Variants in GLRA3 observed in about 807,000 individuals in gnomAD.
GLRA3 encodes glycine receptor alpha 3.
Under a neutral mutation model 60.4 loss-of-function variants are expected in GLRA3, and 44 were observed. The ratio of observed to expected loss-of-function variants is 0.73; its 90% CI spans 0.57 to 0.94. The LOEUF is 0.94. Ranked by LOEUF, GLRA3 falls within the 40% of genes least tolerant of loss-of-function variation. The pLI is 0.00. For synonymous variants in GLRA3, 223 were observed against 192.9 expected, an observed-to-expected ratio of 1.16 and a Z score of -1.29; for missense variants, 508 against 564.6, an observed-to-expected ratio of 0.90 and a Z score of 1.02.
At chr4:174,691,625 C>T (rs1002230376) in intron 5 of GLRA3, among the ~76,000 whole-genome samples, 2 of 152,218 alleles carry the variant, frequency 1.3e-5, no homozygotes, top group African/African-American at 2.4e-5. Context: ...AGCTCGTAAC[C>T]GCGAGTGATC....
In GLRA3 at chr4:174,715,498, T is replaced by G; in HGVS notation, c.564A>C (p.Gln188His). The change falls in exon 5 of 10, where the codon CAA becomes CAC. Residue 188 changes from glutamine to histidine, a missense_variant. Physicochemically the swap from Gln to His is conservative, Grantham distance 24. Coordinates refer to ENST00000274093, the MANE Select transcript of GLRA3 (RefSeq NM_006529.4). ...GTGGTTCATACTTACAGCTTTCCAG[T>G]TGCATTATACATGTTTGTACATCCA... is the stretch of plus-strand genomic sequence containing the variant. The part of the protein sequence containing the change: ...FPMDVQTCIM[Q>H]LESFGYTMND... 1 of 1,507,320 alleles carries G rather than the reference T, an allele frequency of 6.6e-7. No homozygotes were observed. The highest frequency in any genetic ancestry group is 1.4e-5 in the African/African-American group (1 of 72,842). The allele number at this position is 1,507,320 out of a possible 1,614,324, so 93.4% of individuals were successfully genotyped here. A position where few individuals can be genotyped will look rare whatever the true frequency, so the allele number is the denominator to read the frequency against.
intron 9 of GLRA3, among the ~76,000 whole-genome samples, chr4:174,652,609 T>C (rs1733062122): frequency 6.6e-6 from 1 of 152,148 alleles, no homozygotes; most frequent in East Asian, 1.9e-4. Context: ...ATTATGCTTC[T>C]ATATCATACT....
At chr4:174,645,425 A>AC (rs1315826087) in intron 9 of GLRA3, among the ~76,000 whole-genome samples, 2 of 150,060 alleles carry the variant, frequency 1.3e-5, no homozygotes. Flanking sequence ...GTCTCCAAAA[A>AC]AAAAAAAAAA....
At chr4:174,737,505 T>G (rs73004584) in intron 3 of GLRA3, among the ~76,000 whole-genome samples, 1 of 142,326 alleles carries the variant, frequency 7.0e-6, no homozygotes, top group Admixed American at 7.3e-5. Context: ...TAAGGCTTTT[T>G]TTTGTGGTTT....
At chr4:174,731,240 G>A (rs11133052) in intron 3 of GLRA3, among the ~76,000 whole-genome samples, 23,622 of 152,068 alleles carry the variant, frequency 0.16, 2,392 homozygotes, top group South Asian at 0.23. Flanking sequence ...TTTTTTTAAG[G>A]CTGATTCTTC....
intron 5 of GLRA3, among the ~76,000 whole-genome samples, chr4:174,684,776 G>T (rs912865608): frequency 2.6e-5 from 4 of 152,342 alleles, no homozygotes; most frequent in Admixed American, 2.6e-4. Flanking sequence ...GGAAGGCCGA[G>T]GCGGGCCGAT....
chr4:174,779,937 C>T (rs1396777009), intron 2 of GLRA3, among the ~76,000 whole-genome samples: 1 of 150,576 alleles, frequency 6.6e-6, no homozygotes, highest in Non-Finnish European at 1.5e-5. Context: ...GGCAGGCCAA[C>T]GTTCAGATTC....
At chr4:174,703,564 A>T (rs12506042) in intron 5 of GLRA3, among the ~76,000 whole-genome samples, 31,444 of 151,968 alleles carry the variant, frequency 0.21, 3,458 homozygotes, top group East Asian at 0.4. Context: ...TTTACTTATT[A>T]GGTTTTGTTT....
intron 3 of GLRA3, among the ~76,000 whole-genome samples, chr4:174,757,646 A>C (rs189964454): frequency 2.1e-3 from 319 of 152,362 alleles, no homozygotes; most frequent in African/African-American, 7.4e-3. Context: ...GCAAGAGTCT[A>C]TATTGATATG....
intron 5 of GLRA3, among the ~76,000 whole-genome samples, chr4:174,710,575 A>G (rs529478397): frequency 3.3e-5 from 5 of 152,074 alleles, no homozygotes; most frequent in Non-Finnish European, 7.4e-5. Context: ...GGAAATTCTC[A>G]TTAATTTATA....
intron 2 of GLRA3, 39 bp downstream of exon 2, chr4:174,788,777 T>C (rs770863134): frequency 7.0e-7 from 1 of 1,437,968 alleles, no homozygotes. Context: ...TTGAAGTATA[T>C]TTAAAACACA....
At chr4:174,735,338 T>G (rs1164646941) in intron 3 of GLRA3, among the ~76,000 whole-genome samples, 2 of 152,168 alleles carry the variant, frequency 1.3e-5, no homozygotes, top group Non-Finnish European at 2.9e-5. Context: ...TCAAACCCAC[T>G]AGGAAGAGGA....
intron 2 of GLRA3, among the ~76,000 whole-genome samples, chr4:174,774,645 A>G (rs917286369): frequency 1.3e-5 from 2 of 152,202 alleles, no homozygotes; most frequent in African/African-American, 4.8e-5. Flanking sequence ...ACTGAATAAG[A>G]ATATTTTTAA....
At chr4:174,682,708 T>C in intron 6 of GLRA3, 94 bp downstream of exon 6, 2 of 885,486 alleles carry the variant, frequency 2.3e-6, no homozygotes, top group Non-Finnish European at 3.5e-6. Context: ...CATTGATCTA[T>C]GAACAGTTAA....
chr4:174,749,632 C>T lies in GLRA3; in HGVS notation c.267+17331G>A, dbSNP rs1044144604. Among the ~76,000 whole-genome samples the T allele has an allele frequency of 2.6e-5, 4 of 152,002 alleles. No individual in the cohort carries two copies. The East Asian group carries it at 7.7e-4, about 29-fold the overall frequency. ...CAGGGACTGAGAAATGGGTTGCCTG[C>T]TTCTGATTGCATTGGGGAGCTAAAA... On this transcript the variant is annotated intron_variant, in intron 3 of 9. Coordinates refer to ENST00000274093, the MANE Select transcript of GLRA3 (RefSeq NM_006529.4).
At chr4:174,721,755 A>G (rs1460417945) in intron 4 of GLRA3, among the ~76,000 whole-genome samples, 1 of 151,562 alleles carries the variant, frequency 6.6e-6, no homozygotes, top group Non-Finnish European at 1.5e-5. Flanking sequence ...GGAAAAAAAT[A>G]TGTGTGTATA....
At chr4:174,790,391 A>T (rs190642200) in intron 1 of GLRA3, among the ~76,000 whole-genome samples, 4,046 of 125,316 alleles carry the variant, frequency 0.032, 101 homozygotes, top group East Asian at 0.1. Context: ...ATATTTTTTT[A>T]AAAAAACCTA....
rs769383276 is a variant in GLRA3, at chr4:174,728,499, T to G, written c.467A>C (p.Asn156Thr). The G allele has an allele frequency of 3.1e-6, 5 of 1,603,490 alleles. No individual in the cohort carries two copies. Among genetic ancestry groups the G allele is most frequent in the Non-Finnish European group, 4.3e-6 (5 of 1,170,844 alleles). The change falls in exon 4 of 10, where the codon AAT becomes ACT. Residue 156 changes from asparagine (N) to threonine (T), a missense_variant. By Grantham distance (65) the Asn-to-Thr change is moderately conservative. Transcript: ENST00000274093. Reference sequence around the variant, plus strand: ...CCTTATTGAATAAAGAACATTTCCATTTTTGAAAATTCTTAGCAATTTGTT... The same window carrying G: ...CCTTATTGAATAAAGAACATTTCCAGTTTTGAAAATTCTTAGCAATTTGTT... ...TDNKLLRIFK[N>T]GNVLYSIRLT...
intron 6 of GLRA3, among the ~76,000 whole-genome samples, 153 bp from the exon 7 acceptor site, chr4:174,677,445 C>A (rs924291478): frequency 6.6e-6 from 1 of 151,878 alleles, no homozygotes; most frequent in Non-Finnish European, 1.5e-5. Context: ...CTGTAGCCTG[C>A]GCCTCCTGGA....
Sources: allele counts gnomAD v4.1 joint callset (sites outside exome capture counted in the v4.1 genomes callset), GRCh38; gene constraint gnomAD v4.1.1; transcripts MANE v1.5; gene names NCBI Gene and HGNC (gene_info 2026-07-23, HGNC 2026-07-21).